Variants in SPSB1 observed in about 807,000 individuals in gnomAD.
The protein encoded by SPSB1 is SPRY domain-containing SOCS box protein 1.
A neutral mutation model predicts 21.2 loss-of-function variants in SPSB1; 8 were observed. That is an observed-to-expected ratio of 0.38 (90% CI 0.22 to 0.68). The LOEUF (loss-of-function observed/expected upper bound fraction) is 0.68, where lower values mean the gene tolerates loss of function less well. Ranked by LOEUF, SPSB1 falls within the 30% of genes least tolerant of loss-of-function variation. The pLI is 0.53. For missense variants in SPSB1, 242 were observed against 377.8 expected (o/e 0.64, Z 2.98); for synonymous variants, 169 against 161.7 (o/e 1.05, Z -0.34).
chr1:9,354,896 C>T (rs538205391), intron 1 of SPSB1, among the ~76,000 whole-genome samples: 3 of 152,290 alleles, frequency 2.0e-5, no homozygotes, highest in East Asian at 1.9e-4. Flanking sequence ...CCTGTTCTCC[C>T]TCCTGAAGGA....
intron 1 of SPSB1, among the ~76,000 whole-genome samples, chr1:9,323,254 A>G (rs1246943245): frequency 1.3e-5 from 2 of 152,114 alleles, no homozygotes; most frequent in Non-Finnish European, 2.9e-5. Context: ...TCTGGATGAA[A>G]CATTCTAGTT....
Position 9,346,743 on chromosome 1 carries a change from C to T in SPSB1, c.-149-9000C>T, listed in dbSNP as rs1217488053. On this transcript the variant is annotated intron_variant, in intron 1 of 2. Coordinates refer to ENST00000328089, the MANE Select transcript of SPSB1 (RefSeq NM_025106.4). The surrounding 1 kb of genome is among the most constrained non-coding windows in gnomAD (Gnocchi z 4.4). Reference sequence around the variant, plus strand: ...TGGCGTTGGTCTATCAGGGGTGGAACAGCCACCGGTGTTTCTGATGGGGCC... The same window carrying T: ...TGGCGTTGGTCTATCAGGGGTGGAATAGCCACCGGTGTTTCTGATGGGGCC... 6.6e-6 allele frequency among the ~76,000 whole-genome samples: 1 copy of T among 152,194 alleles called. No individual in the cohort carries two copies. Among genetic ancestry groups the T allele is most frequent in the Non-Finnish European group, 1.5e-5 (1 of 68,040 alleles).
At chr1:9,318,881 C>T (rs1639658543) in intron 1 of SPSB1, among the ~76,000 whole-genome samples, 2 of 152,168 alleles carry the variant, frequency 1.3e-5, no homozygotes, top group Admixed American at 1.3e-4. Context: ...CTGCGGTGTC[C>T]TGCAGTGAGT....
chr1:9,367,384 G>T lies in SPSB1; in HGVS notation c.695-64G>T. The T allele has an allele frequency of 6.2e-7, 1 of 1,610,298 alleles. No homozygotes were observed. Among genetic ancestry groups the T allele is most frequent in the Non-Finnish European group, 8.5e-7 (1 of 1,179,278 alleles). Reference sequence around the variant, plus strand: ...AATCAGTGATAATATTGCTGCTGTGGTTAGCGCTGTTTGCTGAACACCCAC... The same window carrying T: ...AATCAGTGATAATATTGCTGCTGTGTTTAGCGCTGTTTGCTGAACACCCAC... On this transcript the variant is annotated intron_variant, in intron 2 of 2. Transcript: ENST00000328089. This position sits in a 1 kb window ranked among gnomAD's most constrained non-coding sequence, Gnocchi z 5.9.
chr1:9,345,174 G>A lies in SPSB1; in HGVS notation c.-149-10569G>A, dbSNP rs1044561503. ...GCAGAGCCTCCTCCTGGGAGTCACTGGGCCCACCTGATCCACCCTGCCTCA... is the reference window on the plus strand; with the variant it reads ...GCAGAGCCTCCTCCTGGGAGTCACTAGGCCCACCTGATCCACCCTGCCTCA... On this transcript the variant is annotated intron_variant, in intron 1 of 2. Transcript: ENST00000328089. This position sits in a 1 kb window ranked among gnomAD's most constrained non-coding sequence, Gnocchi z 4.8. Among the ~76,000 whole-genome samples, 13 of 152,144 alleles carry A rather than the reference G, an allele frequency of 8.5e-5. No individual in the cohort carries two copies. Among genetic ancestry groups the A allele is most frequent in the Non-Finnish European group, 1.6e-4 (11 of 68,022 alleles).
At chr1:9,350,024 C>T (rs1640230878) in intron 1 of SPSB1, among the ~76,000 whole-genome samples, 1 of 152,054 alleles carries the variant, frequency 6.6e-6, no homozygotes, top group South Asian at 2.1e-4. Context: ...CATATATACA[C>T]ACATGAAGAC....
Position 9,323,092 on chromosome 1 carries a change from C to T in SPSB1, c.-150+30021C>T, listed in dbSNP as rs142244876. 6.4e-3 allele frequency among the ~76,000 whole-genome samples: 977 copies of T among 152,346 alleles called. 7 individuals carry two copies. The highest frequency in any genetic ancestry group is 0.01 in the Non-Finnish European group (713 of 68,024). ...GCCAGGCGGCCGCCCCTCCCCAGCT[C>T]CGGCCTTCGAGGACTTTGCGGCCTC... On this transcript the variant is annotated intron_variant, in intron 1 of 2. Transcript: ENST00000328089.
At chr1:9,323,093 C>T (rs536958703) in intron 1 of SPSB1, among the ~76,000 whole-genome samples, 5 of 152,360 alleles carry the variant, frequency 3.3e-5, no homozygotes, top group South Asian at 4.1e-4. Context: ...TCCCCAGCTC[C>T]GGCCTTCGAG....
intron 1 of SPSB1, among the ~76,000 whole-genome samples, chr1:9,341,982 G>A (rs551636442): frequency 3.2e-4 from 49 of 152,224 alleles, no homozygotes; most frequent in African/African-American, 1.2e-3. Context: ...GATTACAGGC[G>A]TGAGCCACCA....
intron 2 of SPSB1, among the ~76,000 whole-genome samples, chr1:9,364,033 C>G (rs372659333): frequency 6.6e-6 from 1 of 152,222 alleles, no homozygotes; most frequent in Non-Finnish European, 1.5e-5. Flanking sequence ...ATTGGAAACC[C>G]GTTACACCAA....
chr1:9,309,953 G>A (rs1639489381), intron 1 of SPSB1, among the ~76,000 whole-genome samples: 1 of 152,198 alleles, frequency 6.6e-6, no homozygotes, highest in Non-Finnish European at 1.5e-5. Context: ...GGCTGTGCCT[G>A]GAGCTCTTAT....
intron 1 of SPSB1, among the ~76,000 whole-genome samples, chr1:9,316,506 G>A (rs1011194065): frequency 6.6e-6 from 1 of 152,248 alleles, no homozygotes; most frequent in Non-Finnish European, 1.5e-5. Context: ...AGGGTCCTAG[G>A]GGGCTGCTGC....
intron 1 of SPSB1, among the ~76,000 whole-genome samples, chr1:9,306,023 G>A (rs754329039): frequency 6.6e-6 from 1 of 152,172 alleles, no homozygotes; most frequent in Non-Finnish European, 1.5e-5. Flanking sequence ...GTGCTTTAGG[G>A]AACGAAGGCG....
intron 1 of SPSB1, among the ~76,000 whole-genome samples, chr1:9,310,458 C>T (rs757919948): frequency 7.9e-5 from 12 of 152,036 alleles, no homozygotes; most frequent in Non-Finnish European, 1.5e-4. Flanking sequence ...TTTGGGAGGC[C>T]GAGGCAGGCA....
At chr1:9,364,625 C>T (rs1210346620) in intron 2 of SPSB1, among the ~76,000 whole-genome samples, 2 of 152,164 alleles carry the variant, frequency 1.3e-5, no homozygotes, top group Non-Finnish European at 2.9e-5. Context: ...TATTTCATTC[C>T]TCCATTCGTC....
chr1:9,306,155 A>G (rs1002727199), intron 1 of SPSB1, among the ~76,000 whole-genome samples: 20 of 152,202 alleles, frequency 1.3e-4, no homozygotes, highest in Admixed American at 1.3e-3. Flanking sequence ...CCTTGACCCC[A>G]CAGGGCAGGG....
chr1:9,349,651 C>T (rs893939977), intron 1 of SPSB1, among the ~76,000 whole-genome samples: 1 of 152,252 alleles, frequency 6.6e-6, no homozygotes, highest in Non-Finnish European at 1.5e-5. Flanking sequence ...ACTCGTGCCA[C>T]ACACAATCCG....
Position 9,293,157 on chromosome 1 carries a change from G to A in SPSB1, c.-150+86G>A. The A allele has an allele frequency of 8.2e-6, 8 of 971,006 alleles. No individual in the cohort carries two copies. Among genetic ancestry groups the A allele is most frequent in the Non-Finnish European group, 9.8e-6 (8 of 818,352 alleles). The allele number at this position is 971,006 out of a possible 1,614,324, so 60.1% of individuals were successfully genotyped here. A position where few individuals can be genotyped will look rare whatever the true frequency, so the allele number is the denominator to read the frequency against. On this transcript the variant is annotated intron_variant, in intron 1 of 2. Transcript: ENST00000328089. The surrounding 1 kb of genome is among the most constrained non-coding windows in gnomAD (Gnocchi z 5.1). ...CGCGGGGGGCCGGGCGAGGGCGGAC[G>A]CGGGGATCGCGCCGCTGGGGGACCG...
chr1:9,367,692 T>C lies in SPSB1; in HGVS notation c.*117T>C. On this transcript the variant is annotated 3_prime_UTR_variant, in exon 3 of 3. Coordinates refer to ENST00000328089, the MANE Select transcript of SPSB1 (RefSeq NM_025106.4). The surrounding 1 kb of genome is among the most constrained non-coding windows in gnomAD (Gnocchi z 5.9). The stretch of plus-strand genomic sequence containing the variant: ...CGGCATCCGTAGCCATGGACAGAGG[T>C]CCCTGGTCTTCCCTCATCCTCCGTG... 1 of 1,407,984 alleles carries C rather than the reference T, an allele frequency of 7.1e-7. No homozygotes were observed. 87.2% of individuals were successfully genotyped at this position (1,407,984 alleles called of 1,614,324 possible).
Sources: allele counts gnomAD v4.1 joint callset (sites outside exome capture counted in the v4.1 genomes callset), GRCh38; gene constraint gnomAD v4.1.1; non-coding constraint Gnocchi (gnomAD v3.1); transcripts MANE v1.5; gene names NCBI Gene and HGNC (gene_info 2026-07-23, HGNC 2026-07-21).